TRANK1: variants seen among roughly 807,000 people sequenced by gnomAD.
TRANK1 encodes the protein TPR and ankyrin repeat-containing protein 1.
Under a neutral mutation model 266.0 loss-of-function variants are expected in TRANK1, and 198 were observed. The ratio of observed to expected loss-of-function variants is 0.74; its 90% CI spans 0.66 to 0.84. The LOEUF (loss-of-function observed/expected upper bound fraction) is 0.84, where lower values mean the gene tolerates loss of function less well. TRANK1 is among the 40% of genes least tolerant of loss of function. The pLI is 0.00. For missense variants in TRANK1, 3,326 were observed against 3,634.6 expected (o/e 0.92, Z 2.18); for synonymous variants, 1,396 against 1,384.1 (o/e 1.01, Z -0.19).
At chr3:36,835,250 C>T (rs376899407) in intron 20 of TRANK1, among the ~76,000 whole-genome samples, 6 of 123,358 alleles carry the variant, frequency 4.9e-5, no homozygotes, top group African/African-American at 9.2e-5. Flanking sequence ...ACCCGGGAGG[C>T]GGAGCTTGCA....
intron 8 of TRANK1, among the ~76,000 whole-genome samples, chr3:36,884,186 G>T (rs1312818194): frequency 2.0e-5 from 3 of 152,210 alleles, no homozygotes; most frequent in Non-Finnish European, 4.4e-5. Flanking sequence ...TATGCAGAGA[G>T]ATACAATAAT....
At position 36,858,771 on chromosome 3, in the gene TRANK1, G is replaced by A. The variant is rs751036729; in HGVS notation, c.1619C>T (p.Thr540Met). 2.1e-5 allele frequency: 32 copies of A among 1,536,974 alleles called. No individual in the cohort carries two copies. Among genetic ancestry groups the A allele is most frequent in the African/African-American group, 5.5e-5 (4 of 73,044 alleles). The stretch of plus-strand genomic sequence containing the variant: ...TGCATGCAAAGGAGTATCACCTTCC[G>A]TGAGAGAAATAGCACGGGGGTCTGC... ...KGADPRAISL[T>M]EGDTPLHAAL... is the part of the protein sequence containing the mutation. Residue 540 changes from threonine to methionine, a missense_variant, in exon 12 of 24, where the codon ACG becomes ATG. By Grantham distance (81) the Thr-to-Met change is moderately conservative. Transcript: ENST00000645898.
At chr3:36,866,211 G>C (rs1392628069) in intron 9 of TRANK1, among the ~76,000 whole-genome samples, 5 of 152,194 alleles carry the variant, frequency 3.3e-5, no homozygotes, top group African/African-American at 1.2e-4. Context: ...GAACAGATAA[G>C]AGAGCAGAAC....
intron 13 of TRANK1, among the ~76,000 whole-genome samples, chr3:36,853,879 A>T (rs569827466): frequency 6.6e-6 from 1 of 152,342 alleles, no homozygotes; most frequent in East Asian, 1.9e-4. Context: ...AATGAGTAGT[A>T]ACTGCTATGA....
intron 1 of TRANK1, among the ~76,000 whole-genome samples, chr3:36,942,822 A>G (rs537089701): frequency 5.3e-5 from 8 of 150,120 alleles, no homozygotes; most frequent in African/African-American, 1.9e-4. Context: ...CAGTTGCCCC[A>G]TAAAGCTGGT....
At chr3:36,911,406 CTTTAAGGG>C (rs1423872342) in intron 1 of TRANK1, among the ~76,000 whole-genome samples, 3 of 152,170 alleles carry the variant, frequency 2.0e-5, no homozygotes, top group African/African-American at 7.2e-5. Context: ...CAAACAGACT[CTTTAAGGG>C]TTTAACTGAA....
intron 9 of TRANK1, among the ~76,000 whole-genome samples, chr3:36,864,682 T>C (rs920090643): frequency 6.6e-6 from 1 of 152,154 alleles, no homozygotes; most frequent in Admixed American, 6.5e-5. Context: ...CTATGACAAA[T>C]AGAATGCAGT....
At chr3:36,898,574 G>A (rs1255373276) in intron 4 of TRANK1, among the ~76,000 whole-genome samples, 1 of 151,970 alleles carries the variant, frequency 6.6e-6, no homozygotes, top group African/African-American at 2.4e-5. Context: ...GAAACCAGCC[G>A]GGCAGGGTGG....
At chr3:36,919,269 T>C (rs1266320840) in intron 1 of TRANK1, among the ~76,000 whole-genome samples, 2 of 152,202 alleles carry the variant, frequency 1.3e-5, no homozygotes, top group Non-Finnish European at 2.9e-5. Context: ...ATATAGAACA[T>C]TTCCAGGTCT....
At chr3:36,895,783 G>T in intron 4 of TRANK1, 25 bp from the exon 5 acceptor site, 1 of 1,461,998 alleles carries the variant, frequency 6.8e-7, no homozygotes, top group Non-Finnish European at 9.2e-7. Context: ...CATAATTTAG[G>T]GATTTTAATG....
chr3:36,944,688 T>A, intron 1 of TRANK1, 99 bp downstream of exon 1: 1 of 1,404,234 alleles, frequency 7.1e-7, no homozygotes, highest in Non-Finnish European at 9.5e-7. Flanking sequence ...GGCCGCTACC[T>A]CAGGGTCGCC....
chr3:36,852,387 T>C, intron 13 of TRANK1, 42 bp from the exon 14 acceptor site: 1 of 1,498,082 alleles, frequency 6.7e-7, no homozygotes. Flanking sequence ...ATTAACAACA[T>C]GGCTGAGTTT....
Position 36,836,599 on chromosome 3 carries a change from G to A in TRANK1, c.5518-1692C>T, listed in dbSNP as rs2078773616. ...TGAGAAAAGAATGAGAATGGAAACT[G>A]GTTGTGAAGAAGAGGATAAACAAAA... On this transcript the variant is annotated intron_variant, in intron 20 of 23. Transcript: ENST00000645898. Among the ~76,000 whole-genome samples the A allele has an allele frequency of 2.0e-5, 3 of 152,204 alleles. No individual in the cohort carries two copies. The South Asian group carries it at 6.2e-4, about 32-fold the overall frequency.
At chr3:36,840,302 C>T (rs114662522) in intron 18 of TRANK1, among the ~76,000 whole-genome samples, 276 of 151,586 alleles carry the variant, frequency 1.8e-3, no homozygotes, top group African/African-American at 6.4e-3. Context: ...CCAATTCTAA[C>T]AAGGATGGGC....
At chr3:36,924,865 G>C (rs938786273) in intron 1 of TRANK1, among the ~76,000 whole-genome samples, 1 of 152,154 alleles carries the variant, frequency 6.6e-6, no homozygotes, top group African/African-American at 2.4e-5. Context: ...GAGCCCCCCC[G>C]GACAGAATCC....
intron 10 of TRANK1, among the ~76,000 whole-genome samples, chr3:36,862,877 C>T (rs2079160491): frequency 6.6e-6 from 1 of 152,140 alleles, no homozygotes; most frequent in Admixed American, 6.5e-5. Context: ...TACTTGAAGC[C>T]AGCCTGGCAC....
intron 8 of TRANK1, chr3:36,880,249 C>G (rs572613856): frequency 7.0e-6 from 2 of 287,560 alleles, no homozygotes; most frequent in Non-Finnish European, 1.5e-5. Flanking sequence ...ATTTAAGGAC[C>G]CTTCACACTT....
At chr3:36,862,105 C>A (rs1052337666) in intron 10 of TRANK1, among the ~76,000 whole-genome samples, 6 of 151,948 alleles carry the variant, frequency 3.9e-5, no homozygotes, top group South Asian at 2.1e-4. Context: ...AGATGAACAA[C>A]AAATAAATTT....
In TRANK1 at chr3:36,833,503, G is replaced by T; in HGVS notation, c.6080C>A (p.Ser2027Tyr). ...LDICYQTGQL[S>Y]GIAEAHFLQG... ...CAGGAAGTGGGCCTCCGCAATGCCAGACAACTGGCCAGTTTGATAGCAGAT... is the reference window on the plus strand; with the variant it reads ...CAGGAAGTGGGCCTCCGCAATGCCATACAACTGGCCAGTTTGATAGCAGAT... Residue 2027 changes from serine (S) to tyrosine (Y), a missense_variant, in exon 22 of 24, where the codon TCT becomes TAT. Physicochemically the swap from Ser to Tyr is moderately radical, Grantham distance 144. Transcript: ENST00000645898. 1.2e-6 allele frequency: 2 copies of T among 1,613,904 alleles called. No individual in the cohort carries two copies. Among genetic ancestry groups the T allele is most frequent in the Non-Finnish European group, 1.7e-6 (2 of 1,179,812 alleles).
Sources: gnomAD v4.1 joint callset for allele counts (sites outside exome capture counted in the v4.1 genomes callset) on GRCh38, gnomAD v4.1.1 for gene constraint, MANE v1.5 for transcripts, NCBI Gene and HGNC (gene_info 2026-07-23, HGNC 2026-07-21) for gene names.